AFF3: variants seen among roughly 807,000 people sequenced by gnomAD.
The protein encoded by AFF3 is AF4/FMR2 family member 3.
AFF3 carries 32 observed loss-of-function variants against 129.7 expected under a neutral mutation model. The ratio of observed to expected loss-of-function variants is 0.25; its 90% CI spans 0.19 to 0.33. The LOEUF (loss-of-function observed/expected upper bound fraction) is 0.33, where lower values mean the gene tolerates loss of function less well. Ranked by LOEUF, AFF3 falls within the 10% of genes least tolerant of loss-of-function variation. The pLI is 1.00. For missense variants in AFF3, 1,373 were observed against 1,592.0 expected, an observed-to-expected ratio of 0.86 and a Z score of 2.34; for synonymous variants, 644 against 635.4, an observed-to-expected ratio of 1.01 and a Z score of -0.20.
intron 18 of AFF3, among the ~76,000 whole-genome samples, chr2:99,569,827 G>C (rs1053299447): frequency 6.6e-6 from 1 of 152,146 alleles, no homozygotes; most frequent in African/African-American, 2.4e-5. Flanking sequence ...CGGGAGATTC[G>C]ACGGAAGTAG....
intron 11 of AFF3, among the ~76,000 whole-genome samples, chr2:99,706,108 A>G (rs904546969): frequency 4.6e-5 from 7 of 152,154 alleles, no homozygotes; most frequent in Admixed American, 4.6e-4. Context: ...GGGTTAAACC[A>G]GGTTTGGGAC....
Position 99,565,586 on chromosome 2 carries a change from G to A in AFF3, c.3020C>T (p.Ala1007Val). ...TCCACACTCGATAAACGACAATGCT[G>A]CTTCAGCATAGTTCAAAGCCTTTCC... ...KFGKALNYAEAALSFIECGNA... is the reference protein window; with the variant it reads ...KFGKALNYAEVALSFIECGNA... The change falls in exon 20 of 25, where the codon GCA (alanine) becomes GTA (valine). Residue 1007 changes from alanine (A) to valine (V), a missense_variant. Ala to Val is a moderately conservative substitution (Grantham distance 64). Coordinates refer to ENST00000672756, the MANE Select transcript of AFF3 (RefSeq NM_001386135.1). 6.2e-7 allele frequency: 1 copy of A among 1,614,182 alleles called. No individual in the cohort carries two copies.
At chr2:99,934,587 G>A (rs1349005057) in intron 7 of AFF3, among the ~76,000 whole-genome samples, 1 of 152,112 alleles carries the variant, frequency 6.6e-6, no homozygotes, top group African/African-American at 2.4e-5. Context: ...TCTAACTACA[G>A]GAGCAGAGTA....
intron 11 of AFF3, among the ~76,000 whole-genome samples, chr2:99,726,368 C>T (rs760634682): frequency 6.6e-6 from 1 of 152,156 alleles, no homozygotes; most frequent in Non-Finnish European, 1.5e-5. Context: ...ACACATGCCA[C>T]TGCTCATAAG....
chr2:99,912,920 G>A (rs913672305), intron 7 of AFF3, among the ~76,000 whole-genome samples: 3 of 152,150 alleles, frequency 2.0e-5, no homozygotes, highest in African/African-American at 7.2e-5. Context: ...TCTTTACAGA[G>A]ACACACACTA....
At chr2:100,069,078 A>C (rs1296504446) in intron 4 of AFF3, among the ~76,000 whole-genome samples, 2 of 148,210 alleles carry the variant, frequency 1.3e-5, no homozygotes, top group African/African-American at 4.9e-5. Context: ...AGTACTCTCT[A>C]GTTATTTTTT....
chr2:99,781,975 T>C (rs566929465), intron 8 of AFF3, among the ~76,000 whole-genome samples: 57 of 152,234 alleles, frequency 3.7e-4, no homozygotes, highest in Non-Finnish European at 7.2e-4. Context: ...TGAATACTGC[T>C]AGCCTGTGTG....
At position 99,736,770 on chromosome 2, in the gene AFF3, C is replaced by T. The variant is rs368553868; in HGVS notation, c.1039+7334G>A. 1.8e-4 allele frequency among the ~76,000 whole-genome samples: 27 copies of T among 152,038 alleles called. No homozygotes were observed. In the East Asian group the frequency reaches 2.9e-3, roughly 16 times the overall value. On this transcript the variant is annotated intron_variant, in intron 10 of 24. Coordinates refer to ENST00000672756, the MANE Select transcript of AFF3 (RefSeq NM_001386135.1). ...GACTACAGGCATACGCCACCACGCC[C>T]GGCTAATTTTTGTATTTTTAGTAGA...
rs531419147 is a variant in AFF3, at chr2:99,551,439, A to C, written c.*35T>G. 6 of 1,612,902 alleles carry C rather than the reference A, an allele frequency of 3.7e-6. No homozygotes were observed. Among genetic ancestry groups the C allele is most frequent in the South Asian group, 3.3e-5 (3 of 90,956 alleles). On this transcript the variant is annotated 3_prime_UTR_variant, in exon 25 of 25. Transcript: ENST00000672756. ...TCCAAAAACGTTGAGCCATCTGTGG[A>C]GACCAGAGCCCACTCTGGCCCCAGG...
intron 13 of AFF3, among the ~76,000 whole-genome samples, chr2:99,606,392 C>A (rs956968516): frequency 6.6e-6 from 1 of 152,148 alleles, no homozygotes; most frequent in Non-Finnish European, 1.5e-5. Flanking sequence ...ATCTCATGAA[C>A]ACGGTGCCAT....
chr2:99,651,662 G>A (rs1382885487), intron 12 of AFF3, among the ~76,000 whole-genome samples: 2 of 151,972 alleles, frequency 1.3e-5, no homozygotes, highest in African/African-American at 4.8e-5. Flanking sequence ...AGCTGGTCTC[G>A]AACTCCTGAC....
intron 14 of AFF3, among the ~76,000 whole-genome samples, chr2:99,596,095 T>G (rs1257908861): frequency 1.3e-5 from 2 of 152,182 alleles, no homozygotes; most frequent in Non-Finnish European, 2.9e-5. Flanking sequence ...GTCTTTGACG[T>G]GACATTTTTC....
chr2:100,061,769 C>A (rs1392750458), intron 4 of AFF3, among the ~76,000 whole-genome samples: 1 of 149,122 alleles, frequency 6.7e-6, no homozygotes, highest in Non-Finnish European at 1.5e-5. Context: ...CAGAAGTCAA[C>A]AGAGAATTTT....
At chr2:99,929,941 C>T (rs1317169535) in intron 7 of AFF3, among the ~76,000 whole-genome samples, 1 of 149,764 alleles carries the variant, frequency 6.7e-6, no homozygotes, top group Non-Finnish European at 1.5e-5. Flanking sequence ...TAATGAGTAT[C>T]TGACTTCTTC....
intron 7 of AFF3, among the ~76,000 whole-genome samples, chr2:99,947,778 T>C (rs1486300989): frequency 1.3e-5 from 2 of 151,932 alleles, no homozygotes; most frequent in Non-Finnish European, 2.9e-5. Flanking sequence ...GCTTGGGGAA[T>C]GCACATGATT....
At chr2:99,898,295 C>T (rs1417466893) in intron 7 of AFF3, among the ~76,000 whole-genome samples, 1 of 152,238 alleles carries the variant, frequency 6.6e-6, no homozygotes, top group Non-Finnish European at 1.5e-5. Context: ...AGCACAACGT[C>T]AAACGCCATA....
intron 7 of AFF3, among the ~76,000 whole-genome samples, chr2:99,849,247 G>A (rs1689961993): frequency 6.6e-6 from 1 of 152,042 alleles, no homozygotes; most frequent in Non-Finnish European, 1.5e-5. Flanking sequence ...GCAGCCCCAG[G>A]GAAAACAGCA....
intron 7 of AFF3, among the ~76,000 whole-genome samples, chr2:99,858,176 A>C (rs1293434798): frequency 6.6e-6 from 1 of 152,096 alleles, no homozygotes; most frequent in Non-Finnish European, 1.5e-5. Context: ...TCTGAATTCA[A>C]CCTTCAACAT....
intron 4 of AFF3, among the ~76,000 whole-genome samples, chr2:100,070,902 A>T (rs554002151): frequency 1.1e-4 from 17 of 152,274 alleles, no homozygotes; most frequent in African/African-American, 3.9e-4. Flanking sequence ...TGCCATCTCT[A>T]GTGAACTTGC....
Sources: allele counts gnomAD v4.1 joint callset (sites outside exome capture counted in the v4.1 genomes callset), GRCh38; gene constraint gnomAD v4.1.1; transcripts MANE v1.5; gene names NCBI Gene and HGNC (gene_info 2026-07-23, HGNC 2026-07-21).